OXR1: variants seen among roughly 807,000 people sequenced by gnomAD.
OXR1 encodes oxidation resistance protein 1.
A neutral mutation model predicts 104.6 loss-of-function variants in OXR1; 41 were observed. That is an observed-to-expected ratio of 0.39 (90% CI 0.31 to 0.51). The LOEUF (loss-of-function observed/expected upper bound fraction) is 0.51, where lower values mean the gene tolerates loss of function less well. Ranked by LOEUF, OXR1 falls within the 20% of genes least tolerant of loss-of-function variation. The probability of loss-of-function intolerance (pLI) is 0.77; values close to 1 mark genes in which losing one functional copy is unlikely to be tolerated. For missense variants in OXR1, 955 were observed against 1,031.9 expected, an observed-to-expected ratio of 0.93 and a Z score of 1.02; for synonymous variants, 348 against 348.4, an observed-to-expected ratio of 1.00 and a Z score of 0.01.
At chr8:106,380,776 T>C (rs1388568771) in intron 2 of OXR1, among the ~76,000 whole-genome samples, 1 of 152,192 alleles carries the variant, frequency 6.6e-6, no homozygotes, top group Non-Finnish European at 1.5e-5. Flanking sequence ...ATGCTATTCA[T>C]ATTTTTTGCT....
rs1051828582 is a variant in OXR1 at position 106,586,660 on chromosome 8, G to T, written c.220+67521G>T. 2.0e-4 allele frequency among the ~76,000 whole-genome samples: 30 copies of T among 152,190 alleles called. 1 individual carries two copies. Among genetic ancestry groups the T allele is most frequent in the Admixed American group, 1.3e-3 (20 of 15,282 alleles). On this transcript the variant is annotated intron_variant, in intron 3 of 16. Transcript: ENST00000517566. The stretch of plus-strand genomic sequence containing the variant: ...GAGAAAGCATAGATAGATGATCTGT[G>T]CTAAGGCCTAGTATTTCCAGTGTTG...
chr8:106,392,445 G>T (rs142043833), intron 2 of OXR1, among the ~76,000 whole-genome samples: 237 of 152,240 alleles, frequency 1.6e-3, no homozygotes, highest in African/African-American at 5.5e-3. Context: ...AGAGACAAGA[G>T]AATTTTTTTT....
At chr8:106,511,944 T>A (rs1812559866) in intron 2 of OXR1, among the ~76,000 whole-genome samples, 1 of 152,188 alleles carries the variant, frequency 6.6e-6, no homozygotes, top group African/African-American at 2.4e-5. Flanking sequence ...CATAAGCTTG[T>A]TGTGATCAGT....
chr8:106,537,210 T>A (rs551747214), intron 3 of OXR1, among the ~76,000 whole-genome samples: 2 of 152,150 alleles, frequency 1.3e-5, no homozygotes, highest in Non-Finnish European at 2.9e-5. Context: ...CATTGGGGAT[T>A]CAGCTTCAAT....
At chr8:106,703,161 A>T (rs1347754006) in intron 8 of OXR1, 71 bp downstream of exon 8, 3 of 919,826 alleles carry the variant, frequency 3.3e-6, no homozygotes, top group African/African-American at 3.3e-5. Flanking sequence ...TAATACCTTA[A>T]CTATTTTTAC....
At chr8:106,549,599 C>A (rs1020538085) in intron 3 of OXR1, among the ~76,000 whole-genome samples, 1 of 152,144 alleles carries the variant, frequency 6.6e-6, no homozygotes, top group African/African-American at 2.4e-5. Flanking sequence ...GGCTTATAAA[C>A]AACAGAAATG....
At chr8:106,688,701 A>G (rs1181497613) in intron 6 of OXR1, among the ~76,000 whole-genome samples, 1 of 152,138 alleles carries the variant, frequency 6.6e-6, no homozygotes, top group Non-Finnish European at 1.5e-5. Context: ...AGGTAGGTAC[A>G]ATAATCATGA....
rs550684538 is a variant in OXR1, at chr8:106,685,595, T to C, written c.525+1236T>C. 2.6e-5 allele frequency among the ~76,000 whole-genome samples: 4 copies of C among 152,218 alleles called. No individual in the cohort carries two copies. The South Asian group carries it at 8.3e-4, about 32-fold the overall frequency. ...GGAGAGGATAAAGTTATGTGAATGA[T>C]CTTTTAATCCTCAGTGACTTAGCTA... On this transcript the variant is annotated intron_variant, in intron 6 of 16. Transcript: ENST00000517566.
chr8:106,272,418 C>T (rs1205418398), intron 1 of OXR1: 1 of 152,200 alleles, frequency 6.6e-6, no homozygotes, highest in Non-Finnish European at 1.5e-5. Context: ...TGTCTGCTGT[C>T]TAAGAGGGCT....
intron 1 of OXR1, among the ~76,000 whole-genome samples, chr8:106,350,075 G>C (rs1192779508): frequency 6.6e-6 from 1 of 152,146 alleles, no homozygotes; most frequent in African/African-American, 2.4e-5. Flanking sequence ...AGTCACAGCT[G>C]AGGCAAGGAA....
At chr8:106,664,522 A>G (rs558509513) in intron 3 of OXR1, among the ~76,000 whole-genome samples, 1 of 152,356 alleles carries the variant, frequency 6.6e-6, no homozygotes, top group East Asian at 1.9e-4. Context: ...TTTTAAGTCT[A>G]GGAATAATCA....
chr8:106,732,031 A>G (rs1833937525), intron 11 of OXR1, among the ~76,000 whole-genome samples: 1 of 152,174 alleles, frequency 6.6e-6, no homozygotes, highest in Non-Finnish European at 1.5e-5. Flanking sequence ...CTATCTATGA[A>G]TGTGGGATAT....
chr8:106,323,328 G>A (rs933465081), intron 1 of OXR1, among the ~76,000 whole-genome samples: 3 of 152,078 alleles, frequency 2.0e-5, no homozygotes, highest in African/African-American at 7.2e-5. Flanking sequence ...TAACTGGCTA[G>A]GCATATGCAG....
chr8:106,277,650 G>T (rs1377308037), intron 1 of OXR1, among the ~76,000 whole-genome samples: 1 of 152,224 alleles, frequency 6.6e-6, no homozygotes, highest in Non-Finnish European at 1.5e-5. Context: ...CAGTTGCACT[G>T]CAGTTTCCAT....
Position 106,529,259 on chromosome 8 carries a change from AC to A in OXR1, c.220+10121del, listed in dbSNP as rs1038587378. On this transcript the variant is annotated intron_variant, in intron 3 of 16. Transcript: ENST00000517566. ...ATTCAATATATGTTTCTGACAGTCT[AC>A]ATCTCCATGTGCATGTTTGTTGGGG... Among the ~76,000 whole-genome samples, 10 of 152,194 alleles carry A rather than the reference AC, an allele frequency of 6.6e-5. 1 individual carries two copies. The highest frequency in any genetic ancestry group is 5.9e-4 in the Admixed American group (9 of 15,280).
intron 2 of OXR1, among the ~76,000 whole-genome samples, chr8:106,517,007 A>G (rs1812904048): frequency 6.6e-6 from 1 of 152,184 alleles, no homozygotes. Context: ...TGCAGATAAG[A>G]AGTGATTACT....
intron 11 of OXR1, among the ~76,000 whole-genome samples, chr8:106,723,997 G>T (rs139509258): frequency 6.6e-6 from 1 of 151,286 alleles, no homozygotes; most frequent in Admixed American, 6.6e-5. Context: ...TGTTGCCCAC[G>T]CTGGTCTCAA....
chr8:106,609,227 A>C (rs1820630291), intron 3 of OXR1, among the ~76,000 whole-genome samples: 1 of 152,134 alleles, frequency 6.6e-6, no homozygotes, highest in Non-Finnish European at 1.5e-5. Context: ...TGGACAAAAA[A>C]GAGCCCATCT....
chr8:106,443,153 G>C (rs554967736), intron 2 of OXR1, among the ~76,000 whole-genome samples: 1 of 151,946 alleles, frequency 6.6e-6, no homozygotes. Context: ...CCTTAATTTC[G>C]TTATTTACTT....
Sources: gnomAD v4.1 joint callset for allele counts (sites outside exome capture counted in the v4.1 genomes callset) on GRCh38, gnomAD v4.1.1 for gene constraint, MANE v1.5 for transcripts, NCBI Gene and HGNC (gene_info 2026-07-23, HGNC 2026-07-21) for gene names.